KHDC1: variants seen among roughly 807,000 people sequenced by gnomAD.
KHDC1 encodes KH homology domain-containing protein 1.
A neutral mutation model predicts 24.7 loss-of-function variants in KHDC1; 21 were observed. The ratio of observed to expected loss-of-function variants is 0.85; its 90% CI spans 0.60 to 1.23. The LOEUF (loss-of-function observed/expected upper bound fraction) is 1.23. Ranked by LOEUF, KHDC1 falls within the 50% of genes most tolerant of loss-of-function variation. The probability of loss-of-function intolerance (pLI) is 0.00; values close to 1 mark genes in which losing one functional copy is unlikely to be tolerated. For missense variants in KHDC1, 274 were observed against 298.5 expected (o/e 0.92, Z 0.61); for synonymous variants, 98 against 111.7 (o/e 0.88, Z 0.77).
intron 2 of KHDC1, among the ~76,000 whole-genome samples, chr6:73,260,399 A>C (rs1400968924): frequency 6.6e-6 from 1 of 152,186 alleles, no homozygotes; most frequent in East Asian, 1.9e-4. Flanking sequence ...CCTAGTAAGC[A>C]ATCAACAAAT....
chr6:73,293,539 G>A (rs111572265), intron 1 of KHDC1, among the ~76,000 whole-genome samples: 2,346 of 152,292 alleles, frequency 0.015, 26 homozygotes, highest in Non-Finnish European at 0.023. Context: ...CCGCACTTTG[G>A]GAGGCCGAGG....
intron 2 of KHDC1, among the ~76,000 whole-genome samples, chr6:73,255,904 C>CAA (rs1205326198): frequency 1.7e-3 from 82 of 49,428 alleles, no homozygotes; most frequent in African/African-American, 3.0e-3. Flanking sequence ...CCTGTCTCAA[C>CAA]AAAAAAAAAA....
chr6:73,291,751 A>G (rs570011312), intron 2 of KHDC1, among the ~76,000 whole-genome samples: 2 of 149,946 alleles, frequency 1.3e-5, no homozygotes, highest in East Asian at 4.0e-4. Flanking sequence ...TTTTTAATTA[A>G]TCTTTGGGGG....
intron 2 of KHDC1, among the ~76,000 whole-genome samples, chr6:73,259,548 A>G (rs1388759328): frequency 6.6e-6 from 1 of 152,162 alleles, no homozygotes; most frequent in Non-Finnish European, 1.5e-5. Context: ...TTGGTCCCCA[A>G]TTTTTAGAAC....
At chr6:73,263,274 G>T (rs1189019464) in intron 2 of KHDC1, 78 bp from the exon 1 acceptor site, 1 of 985,620 alleles carries the variant, frequency 1.0e-6, no homozygotes, top group African/African-American at 1.7e-5. Flanking sequence ...CTCTGTGTAG[G>T]AGACAGCCTG....
At position 73,281,906 on chromosome 6, in the gene KHDC1, T is replaced by C. The variant is rs140279933; in HGVS notation, c.206+10092A>G. On this transcript the variant is annotated intron_variant, in intron 2 of 4. Transcript: ENST00000370384. ...TGACCTTGACAGTTTTGAGGCATAC[T>C]GGTCAAGCATATTTTAAGATGCCAC... is the stretch of plus-strand genomic sequence containing the variant. Among the ~76,000 whole-genome samples the C allele has an allele frequency of 5.9e-5, 9 of 152,122 alleles. No individual in the cohort carries two copies. In the East Asian group the frequency reaches 1.7e-3, roughly 29 times the overall value.
intron 1 of KHDC1, among the ~76,000 whole-genome samples, chr6:73,298,320 C>G (rs1054167019): frequency 6.6e-6 from 1 of 151,708 alleles, no homozygotes; most frequent in African/African-American, 2.4e-5. Context: ...TTCCCACATG[C>G]AGCATTTCTC....
intron 1 of KHDC1, chr6:73,292,220 G>A (rs1330404699): frequency 7.0e-7 from 1 of 1,424,314 alleles, no homozygotes; most frequent in Non-Finnish European, 9.9e-7. Flanking sequence ...GCTTCAGGCA[G>A]AAACAGAACT....
chr6:73,307,141 A>G (rs1168930865), intron 1 of KHDC1, among the ~76,000 whole-genome samples: 1 of 151,910 alleles, frequency 6.6e-6, no homozygotes, highest in Non-Finnish European at 1.5e-5. Flanking sequence ...TTATATAACC[A>G]TTAGAGCAGC....
chr6:73,306,329 C>T (rs1767961507), intron 1 of KHDC1, among the ~76,000 whole-genome samples: 2 of 152,092 alleles, frequency 1.3e-5, no homozygotes, highest in African/African-American at 4.8e-5. Flanking sequence ...CCTCACCCGA[C>T]ACCCCGAGTA....
chr6:73,263,115 G>C, intron 2 of KHDC1: 5 of 1,006,388 alleles, frequency 5.0e-6, no homozygotes, highest in South Asian at 4.2e-5. Context: ...AGGAGACAGC[G>C]GTACCTCCTG....
At chr6:73,299,669 G>C (rs1767829812) in intron 1 of KHDC1, 2 of 153,090 alleles carry the variant, frequency 1.3e-5, no homozygotes, top group African/African-American at 4.8e-5. Context: ...GCCTAGCTCA[G>C]ACCCCCCAGC....
intron 2 of KHDC1, among the ~76,000 whole-genome samples, chr6:73,283,056 C>G (rs1767444247): frequency 6.6e-6 from 1 of 152,216 alleles, no homozygotes; most frequent in Non-Finnish European, 1.5e-5. Context: ...CATGACTTCA[C>G]TTTTTATGTT....
At position 73,258,412 on chromosome 6, in the gene KHDC1, C is replaced by T. The variant is rs553498295; in HGVS notation, c.207-15882G>A. Among the ~76,000 whole-genome samples, 62 of 151,758 alleles carry T rather than the reference C, an allele frequency of 4.1e-4. 1 individual carries two copies. Among genetic ancestry groups the T allele is most frequent in the African/African-American group, 1.5e-3 (60 of 41,376 alleles). The stretch of plus-strand genomic sequence containing the variant: ...GAGCCATGATTATGCCACTGCACTC[C>T]GGCCTAGGTGACAGAGAGAGACCCT... On this transcript the variant is annotated intron_variant, in intron 2 of 4. Transcript: ENST00000370384.
Position 73,291,948 on chromosome 6 carries a change from C to CT in KHDC1, c.206+49dup. ...AATTTAATTCTCTAGCACAGACTCC[C>CT]TTTTTTTGGTAAGATGGCGGGGTAC... On this transcript the variant is annotated intron_variant, in intron 2 of 4. Coordinates refer to ENST00000370384, the Ensembl canonical transcript of KHDC1. The CT allele has an allele frequency of 5.0e-6, 8 of 1,603,348 alleles. 1 individual carries two copies. The highest frequency in any genetic ancestry group is 2.2e-5 in the South Asian group (2 of 89,944).
chr6:73,294,989 C>A (rs1464745461), intron 1 of KHDC1, among the ~76,000 whole-genome samples: 1 of 151,980 alleles, frequency 6.6e-6, no homozygotes, highest in Admixed American at 6.6e-5. Flanking sequence ...CCCTGTCTCT[C>A]TGAAAAATAT....
At chr6:73,305,590 T>G (rs1454609412) in intron 1 of KHDC1, among the ~76,000 whole-genome samples, 1 of 152,152 alleles carries the variant, frequency 6.6e-6, no homozygotes, top group Non-Finnish European at 1.5e-5. Context: ...ACAAATAAAT[T>G]TTTAAGATAT....
intron 2 of KHDC1, among the ~76,000 whole-genome samples, chr6:73,272,771 A>G (rs36114303): frequency 0.057 from 8,523 of 150,058 alleles, 272 homozygotes; most frequent in East Asian, 0.13. Context: ...GCAAGACTCC[A>G]TCCCGGGGGG....
chr6:73,277,916 G>A (rs2150651255), intron 2 of KHDC1, among the ~76,000 whole-genome samples: 1 of 148,822 alleles, frequency 6.7e-6, no homozygotes, highest in African/African-American at 2.5e-5. Flanking sequence ...AGGTTTTATG[G>A]TTTTTACTGT....
Sources: allele counts gnomAD v4.1 joint callset (sites outside exome capture counted in the v4.1 genomes callset), GRCh38; gene constraint gnomAD v4.1.1; transcripts MANE v1.5; gene names NCBI Gene and HGNC (gene_info 2026-07-23, HGNC 2026-07-21).